SYT10: variants seen among roughly 807,000 people sequenced by gnomAD.
SYT10 encodes synaptotagmin-10.
In SYT10, 31 loss-of-function variants were observed where a neutral mutation model predicts 51.1. The observed-to-expected ratio is 0.61, with a 90% CI of 0.46 to 0.82. The LOEUF (loss-of-function observed/expected upper bound fraction) is 0.82. SYT10 is among the 40% of genes least tolerant of loss of function. The pLI is 0.00. For synonymous variants in SYT10, 233 were observed against 225.9 expected (o/e 1.03, Z -0.28); for missense variants, 603 against 634.0 (o/e 0.95, Z 0.53).
chr12:33,439,384 C>T lies in SYT10; in HGVS notation c.139G>A (p.Gly47Arg). The T allele has an allele frequency of 1.2e-6, 2 of 1,613,582 alleles. No homozygotes were observed. The highest frequency in any genetic ancestry group is 1.7e-6 in the Non-Finnish European group (2 of 1,179,864). ...IFPRDRGSQG[G>R]SSTDISVSLL... ...CCCTCCCGGTTACCTGTGCTGCTTC[C>T]GCCCTGGCTGCCCCTGTCCCGAGGG... is the stretch of plus-strand genomic sequence containing the variant. The change falls in exon 1 of 7, where the codon GGA becomes AGA. Residue 47 changes from glycine (G) to arginine (R), a missense_variant. Transcript: ENST00000228567.
At chr12:33,389,227 A>G (rs1388122330) in intron 3 of SYT10, among the ~76,000 whole-genome samples, 1 of 152,150 alleles carries the variant, frequency 6.6e-6, no homozygotes, top group Non-Finnish European at 1.5e-5. Context: ...GGTGTTGGTG[A>G]CATGAAAGGG....
intron 3 of SYT10, 89 bp from the exon 4 acceptor site, chr12:33,385,380 T>C (rs768531780): frequency 2.5e-5 from 37 of 1,505,350 alleles, no homozygotes; most frequent in Non-Finnish European, 3.2e-5. Flanking sequence ...GGAATGTCAT[T>C]TTAAATTGTT....
At chr12:33,400,978 G>A (rs1476903217) in intron 3 of SYT10, among the ~76,000 whole-genome samples, 3 of 149,000 alleles carry the variant, frequency 2.0e-5, no homozygotes, top group Non-Finnish European at 3.0e-5. Flanking sequence ...AGTGAGCCGA[G>A]ACCACACCAC....
intron 3 of SYT10, among the ~76,000 whole-genome samples, chr12:33,387,085 G>A (rs1327678337): frequency 6.6e-6 from 1 of 152,072 alleles, no homozygotes; most frequent in Non-Finnish European, 1.5e-5. Flanking sequence ...GAAATAACTC[G>A]CTGATTATGC....
chr12:33,436,441 T>C (rs1395374640), intron 1 of SYT10, among the ~76,000 whole-genome samples: 4 of 152,154 alleles, frequency 2.6e-5, no homozygotes, highest in Non-Finnish European at 5.9e-5. Flanking sequence ...CTGGCACATA[T>C]AATGACTCCG....
Position 33,439,713 on chromosome 12 carries a change from GGAA to G in SYT10, c.-194_-192del. On this transcript the variant is annotated 5_prime_UTR_variant, in exon 1 of 7. Coordinates refer to ENST00000228567, the MANE Select transcript of SYT10 (RefSeq NM_198992.4). ...CCATGGCGGGAGCGGAGGGCGTAGG[GGAA>G]GGAGAGGCGCGCGAGGAGGCTGCGG... 1.6e-6 allele frequency: 1 copy of G among 641,562 alleles called. No individual in the cohort carries two copies. Among genetic ancestry groups the G allele is most frequent in the East Asian group, 3.1e-5 (1 of 32,450 alleles). The allele number at this position is 641,562 out of a possible 1,614,324, so 39.7% of individuals were successfully genotyped here. A position where few individuals can be genotyped will look rare whatever the true frequency, so the allele number is the denominator to read the frequency against.
rs900491646 is a variant in SYT10, at chr12:33,428,908, A to G, written c.152-2413T>C. Among the ~76,000 whole-genome samples, 7 of 83,110 alleles carry G rather than the reference A, an allele frequency of 8.4e-5. No individual in the cohort carries two copies. The South Asian group carries it at 1.5e-3, about 18-fold the overall frequency. 54.5% of individuals were successfully genotyped at this position (83,110 alleles called of 152,430 possible). ...GTGACAGAGTGAGACTCTGCTTCAG[A>G]AAAAAAAAAAAAAAAAGACTGGCAG... On this transcript the variant is annotated intron_variant, in intron 1 of 6. Transcript: ENST00000228567.
chr12:33,377,774 C>G (rs1440916295), intron 6 of SYT10, among the ~76,000 whole-genome samples: 2 of 151,444 alleles, frequency 1.3e-5, no homozygotes, highest in Non-Finnish European at 2.9e-5. Flanking sequence ...ATTACAGGCG[C>G]CTGCCACCAA....
chr12:33,438,666 T>C (rs1866657329), intron 1 of SYT10, among the ~76,000 whole-genome samples: 1 of 152,206 alleles, frequency 6.6e-6, no homozygotes, highest in Non-Finnish European at 1.5e-5. Flanking sequence ...GTGCGTGTGC[T>C]AGGGATTTTA....
chr12:33,388,230 C>T (rs1041118242), intron 3 of SYT10, among the ~76,000 whole-genome samples: 4 of 152,076 alleles, frequency 2.6e-5, no homozygotes, highest in African/African-American at 9.7e-5. Flanking sequence ...CATTTTATTA[C>T]AGACTTGAAC....
At chr12:33,422,444 T>C (rs1866513214) in intron 2 of SYT10, among the ~76,000 whole-genome samples, 1 of 152,154 alleles carries the variant, frequency 6.6e-6, no homozygotes, top group South Asian at 2.1e-4. Context: ...TGTTGCCAAG[T>C]GAATTATCCT....
At chr12:33,414,959 G>A (rs1243063978) in intron 2 of SYT10, among the ~76,000 whole-genome samples, 1 of 152,196 alleles carries the variant, frequency 6.6e-6, no homozygotes, top group African/African-American at 2.4e-5. Context: ...GAGGCCAGAA[G>A]TTGACTATGT....
intron 2 of SYT10, among the ~76,000 whole-genome samples, chr12:33,411,329 A>T (rs1388420675): frequency 6.6e-6 from 1 of 152,156 alleles, no homozygotes; most frequent in Non-Finnish European, 1.5e-5. Context: ...TTATTTGGTT[A>T]AGATAGCTTG....
chr12:33,379,862 T>C lies in SYT10; in HGVS notation c.1470A>G (p.Lys490=), dbSNP rs1205706184. 6.2e-7 allele frequency: 1 copy of C among 1,613,872 alleles called. No homozygotes were observed. The highest frequency in any genetic ancestry group is 1.1e-5 in the South Asian group (1 of 91,076). The change falls in exon 6 of 7, where the codon AAA becomes AAG. Residue 490 remains lysine, a synonymous_variant. Coordinates refer to ENST00000228567, the MANE Select transcript of SYT10 (RefSeq NM_198992.4). ...HWNEMLAYHR[K]PITHWHPLLE... ...GCAATGGGTGCCAGTGCGTTATTGG[T>C]TTTCGATGATAGGCCAGCATTTCAT... is the stretch of plus-strand genomic sequence containing the variant.
chr12:33,397,099 T>C (rs1392440666), intron 3 of SYT10, among the ~76,000 whole-genome samples: 1 of 152,202 alleles, frequency 6.6e-6, no homozygotes, highest in Non-Finnish European at 1.5e-5. Flanking sequence ...AATGAGCACA[T>C]AGATATACAG....
intron 2 of SYT10, among the ~76,000 whole-genome samples, chr12:33,424,454 A>C (rs920208740): frequency 2.6e-5 from 4 of 152,222 alleles, no homozygotes; most frequent in African/African-American, 9.6e-5. Flanking sequence ...AGTATTCTTA[A>C]AATGTTTTGC....
chr12:33,392,289 G>A (rs1424059475), intron 3 of SYT10, among the ~76,000 whole-genome samples: 2 of 152,138 alleles, frequency 1.3e-5, no homozygotes, highest in African/African-American at 4.8e-5. Flanking sequence ...GACAGCACAT[G>A]CAGTCTACTG....
chr12:33,435,631 C>A (rs1866632390), intron 1 of SYT10, among the ~76,000 whole-genome samples: 2 of 152,152 alleles, frequency 1.3e-5, no homozygotes, highest in Non-Finnish European at 2.9e-5. Context: ...ATTCTTTATA[C>A]AATCACTAGG....
At chr12:33,421,670 T>A (rs1866506128) in intron 2 of SYT10, among the ~76,000 whole-genome samples, 1 of 152,104 alleles carries the variant, frequency 6.6e-6, no homozygotes, top group African/African-American at 2.4e-5. Flanking sequence ...TAAAAGTGGG[T>A]TACACACGCT....
Sources: allele counts gnomAD v4.1 joint callset (sites outside exome capture counted in the v4.1 genomes callset), GRCh38; gene constraint gnomAD v4.1.1; transcripts MANE v1.5; gene names NCBI Gene and HGNC (gene_info 2026-07-23, HGNC 2026-07-21).